The following EHMT1 variants were observed in gnomAD, a reference collection of about 807,000 sequenced individuals.
The protein encoded by EHMT1 is histone-lysine N-methyltransferase EHMT1.
EHMT1 carries 15 observed loss-of-function variants against 147.2 expected under a neutral mutation model. The observed-to-expected ratio is 0.10, with a 90% CI of 0.07 to 0.16. The LOEUF is 0.16. Among genes scored for constraint, EHMT1 ranks in the 10% least tolerant of loss-of-function variants. The pLI, the probability that EHMT1 is intolerant of heterozygous loss-of-function variation, is 1.00. For missense variants in EHMT1, 1,587 were observed against 1,772.4 expected, an observed-to-expected ratio of 0.90 and a Z score of 1.88; for synonymous variants, 795 against 709.6, an observed-to-expected ratio of 1.12 and a Z score of -1.91.
rs1229226340 is a variant in EHMT1 at position 137,732,502 on chromosome 9, G to C, written c.823+3973G>C. The stretch of plus-strand genomic sequence containing the variant: ...AGTCAGTAGCTCCTACTGGCAGGGA[G>C]GCAGTCCTGTTGTGTGGCTGAGTCT... On this transcript the variant is annotated intron_variant, in intron 4 of 26. Coordinates refer to ENST00000460843, the MANE Select transcript of EHMT1 (RefSeq NM_024757.5). This position sits in a 1 kb window ranked among gnomAD's most constrained non-coding sequence, Gnocchi z 4.6. 1.3e-5 allele frequency among the ~76,000 whole-genome samples: 2 copies of C among 152,206 alleles called. No homozygotes were observed. Among genetic ancestry groups the C allele is most frequent in the Non-Finnish European group, 2.9e-5 (2 of 68,034 alleles).
intron 1 of EHMT1, among the ~76,000 whole-genome samples, chr9:137,631,347 G>T (rs1327618910): frequency 6.6e-6 from 1 of 151,858 alleles, no homozygotes; most frequent in East Asian, 1.9e-4. Context: ...ACCTGAGATC[G>T]TGCCATTGGA....
At chr9:137,755,312 T>C (rs1032873060) in intron 8 of EHMT1, among the ~76,000 whole-genome samples, 5 of 152,144 alleles carry the variant, frequency 3.3e-5, no homozygotes, top group Non-Finnish European at 7.4e-5. Flanking sequence ...TAGTGTTCTG[T>C]AGAATTTTAT....
chr9:137,658,942 T>C (rs1210932300), intron 1 of EHMT1, among the ~76,000 whole-genome samples: 1 of 152,194 alleles, frequency 6.6e-6, no homozygotes, highest in Non-Finnish European at 1.5e-5. Context: ...CTTCTGTGGT[T>C]GTCTTTTCTC....
At chr9:137,677,221 C>T (rs929151548) in intron 1 of EHMT1, among the ~76,000 whole-genome samples, 1 of 152,058 alleles carries the variant, frequency 6.6e-6, no homozygotes, top group Non-Finnish European at 1.5e-5. Context: ...GCAACCTCCA[C>T]CTCCCAGGTT....
rs572599901 is a variant in EHMT1 at position 137,818,506 on chromosome 9, G to C, written c.3540+368G>C. Among the ~76,000 whole-genome samples, 4 of 152,008 alleles carry C rather than the reference G, an allele frequency of 2.6e-5. 1 individual carries two copies. Among genetic ancestry groups the C allele is most frequent in the African/African-American group, 9.7e-5 (4 of 41,298 alleles). ...GGGCGCCGTGTACCAAGACTGTAGAGAGGCTGAGGGGGGGCGCCATGTACC... is the reference window on the plus strand; with the variant it reads ...GGGCGCCGTGTACCAAGACTGTAGACAGGCTGAGGGGGGGCGCCATGTACC... On this transcript the variant is annotated intron_variant, in intron 25 of 26. Transcript: ENST00000460843.
In EHMT1 at chr9:137,776,661, G is replaced by A. The variant is rs748381657; in HGVS notation, c.1835G>A (p.Arg612His). ...ECQPESSISH[R>H]FHKDCASRVN... ...CAGCCCGAGAGCAGCATCTCTCACC[G>A]TTTCCACAAAGACTGTGCCTCTCGA... Residue 612 changes from arginine (R) to histidine (H), a missense_variant, in exon 12 of 27, where the codon CGT becomes CAT. Coordinates refer to ENST00000460843, the MANE Select transcript of EHMT1 (RefSeq NM_024757.5). This position sits in a 1 kb window ranked among gnomAD's most constrained non-coding sequence, Gnocchi z 4.4. 2 of 1,614,132 alleles carry A rather than the reference G, an allele frequency of 1.2e-6. No individual in the cohort carries two copies. Among genetic ancestry groups the A allele is most frequent in the Admixed American group, 1.7e-5 (1 of 60,028 alleles).
At chr9:137,824,424 G>GCC (rs778413364) in intron 25 of EHMT1, among the ~76,000 whole-genome samples, 29 of 152,208 alleles carry the variant, frequency 1.9e-4, no homozygotes, top group Admixed American at 9.2e-4. Flanking sequence ...AAAGCTTGGA[G>GCC]CCAGGTAGTG....
chr9:137,639,687 G>C (rs951559073), intron 1 of EHMT1, among the ~76,000 whole-genome samples: 2 of 151,868 alleles, frequency 1.3e-5, no homozygotes, highest in African/African-American at 4.8e-5. Flanking sequence ...TAATCTCTTT[G>C]TATCTTCAAT....
chr9:137,830,581 T>C (rs1334957312), intron 25 of EHMT1, among the ~76,000 whole-genome samples: 1 of 152,224 alleles, frequency 6.6e-6, no homozygotes, highest in African/African-American at 2.4e-5. Flanking sequence ...ACTCCAGATA[T>C]TACCGATAAC....
chr9:137,800,035 T>C (rs1333360396), intron 17 of EHMT1, among the ~76,000 whole-genome samples: 1 of 152,128 alleles, frequency 6.6e-6, no homozygotes, highest in Admixed American at 6.5e-5. Flanking sequence ...TGAAGGCTGC[T>C]GTGTCTGTGA....
chr9:137,657,306 GC>G (rs1402912424), intron 1 of EHMT1, among the ~76,000 whole-genome samples: 6 of 152,156 alleles, frequency 3.9e-5, no homozygotes, highest in Non-Finnish European at 8.8e-5. Context: ...GAGATTCTGA[GC>G]AGAGGAGTGG....
chr9:137,834,102 C>G, intron 25 of EHMT1: 2 of 588,994 alleles, frequency 3.4e-6, no homozygotes, highest in South Asian at 4.0e-5. Context: ...CGGCCCGCAC[C>G]ACCCCCACCC....
At chr9:137,733,129 C>G (rs1428651662) in intron 4 of EHMT1, among the ~76,000 whole-genome samples, 1 of 152,192 alleles carries the variant, frequency 6.6e-6, no homozygotes, top group African/African-American at 2.4e-5. Flanking sequence ...ACCCTCCACC[C>G]TGTAGTATCA....
At position 137,786,961 on chromosome 9, in the gene EHMT1, G is replaced by A. The variant is rs1387489028; in HGVS notation, c.2383-3887G>A. Reference sequence around the variant, plus strand: ...TCCGAGCTGCCTCAAGCGCCCCGGGGTCTTTTCTGACTTGATCTGTGTTTT... The same window carrying A: ...TCCGAGCTGCCTCAAGCGCCCCGGGATCTTTTCTGACTTGATCTGTGTTTT... On this transcript the variant is annotated intron_variant, in intron 15 of 26. Coordinates refer to ENST00000460843, the MANE Select transcript of EHMT1 (RefSeq NM_024757.5). This position sits in a 1 kb window ranked among gnomAD's most constrained non-coding sequence, Gnocchi z 4.3. 1 of 152,392 alleles carries A rather than the reference G, an allele frequency of 6.6e-6. No individual in the cohort carries two copies. Among genetic ancestry groups the A allele is most frequent in the Admixed American group, 6.5e-5 (1 of 15,284 alleles). The allele number at this position is 152,392 out of a possible 1,614,324, so 9.4% of individuals were successfully genotyped here.
intron 25 of EHMT1, among the ~76,000 whole-genome samples, chr9:137,823,094 C>T (rs1181371614): frequency 8.3e-6 from 1 of 120,670 alleles, no homozygotes; most frequent in Admixed American, 8.4e-5. Flanking sequence ...CCATGCCTGG[C>T]TAATTGTTTT....
In EHMT1 at chr9:137,834,523, G is replaced by A. The variant is rs753648181; in HGVS notation, c.3715G>A (p.Gly1239Arg). ...TRLIEAGEQLGFDYGERFWDI... is the reference protein window; with the variant it reads ...TRLIEAGEQLRFDYGERFWDI... ...CCTGATCGAGGCCGGCGAGCAGCTC[G>A]GGTACGCACCGCCCCGGCCCCTGGC... The change falls in exon 26 of 27, where the codon GGG becomes AGG. Residue 1239 changes from glycine (G) to arginine (R), a missense_variant and splice_region_variant. Gly to Arg is a moderately radical substitution (Grantham distance 125, BLOSUM62 -2). Transcript: ENST00000460843. 5.6e-6 allele frequency: 9 copies of A among 1,610,220 alleles called. No homozygotes were observed. Among genetic ancestry groups the A allele is most frequent in the Middle Eastern group, 1.7e-4 (1 of 6,060 alleles).
rs1952067235 is a variant in EHMT1, at chr9:137,787,406, C to A, written c.2383-3442C>A. 6.6e-6 allele frequency among the ~76,000 whole-genome samples: 1 copy of A among 152,152 alleles called. No homozygotes were observed. Among genetic ancestry groups the A allele is most frequent in the Admixed American group, 6.5e-5 (1 of 15,282 alleles). On this transcript the variant is annotated intron_variant, in intron 15 of 26. Transcript: ENST00000460843. This position sits in a 1 kb window ranked among gnomAD's most constrained non-coding sequence, Gnocchi z 4.2. ...GCTGAGAAGAGGGGACTAGGAAGGG[C>A]TATTCCAGGCTCAGCCCTGCCTCCC...
At chr9:137,757,145 C>T (rs1949437437) in intron 8 of EHMT1, among the ~76,000 whole-genome samples, 1 of 152,238 alleles carries the variant, frequency 6.6e-6, no homozygotes, top group African/African-American at 2.4e-5. Context: ...ATATATCTTT[C>T]TCCGGCCCTC....
intron 1 of EHMT1, among the ~76,000 whole-genome samples, chr9:137,685,000 A>G (rs1005857445): frequency 5.3e-5 from 8 of 152,222 alleles, no homozygotes; most frequent in African/African-American, 1.7e-4. Flanking sequence ...ATAGCCACAA[A>G]TTAAAGAAAT....
Sources: gnomAD v4.1 joint callset for allele counts (sites outside exome capture counted in the v4.1 genomes callset) on GRCh38, gnomAD v4.1.1 for gene constraint, Gnocchi (gnomAD v3.1) non-coding constraint, MANE v1.5 for transcripts, NCBI Gene and HGNC (gene_info 2026-07-23, HGNC 2026-07-21) for gene names.